The following AGAP1 variants were observed in gnomAD, a reference collection of about 807,000 sequenced individuals.
AGAP1 encodes arf-GAP with GTPase, ANK repeat and PH domain-containing protein 1.
In AGAP1, 29 loss-of-function variants were observed where a neutral mutation model predicts 105.3. That is an observed-to-expected ratio of 0.28 (90% CI 0.21 to 0.38). The LOEUF is 0.38. AGAP1 is among the 10% of genes least tolerant of loss of function. AGAP1 has a pLI of 1.00. For missense variants in AGAP1, 998 were observed against 1,165.1 expected (o/e 0.86, Z 2.09); for synonymous variants, 509 against 485.9 (o/e 1.05, Z -0.63).
Position 235,919,387 on chromosome 2 carries a change from G to A in AGAP1, c.1324+10481G>A, listed in dbSNP as rs145609009. ...TTGAGTTACCACTCATATAGTGAAC[G>A]TTTGCGTTTCTGGAGTATTTCTAGG... On this transcript the variant is annotated intron_variant, in intron 11 of 17. Coordinates refer to ENST00000304032, the MANE Select transcript of AGAP1 (RefSeq NM_001037131.3). The surrounding 1 kb of genome is among the most constrained non-coding windows in gnomAD (Gnocchi z 4.1). Among the ~76,000 whole-genome samples, 1,144 of 152,210 alleles carry A rather than the reference G, an allele frequency of 7.5e-3. 10 individuals carry two copies. The highest frequency in any genetic ancestry group is 0.011 in the Non-Finnish European group (734 of 68,006).
chr2:236,131,148 A>C lies in AGAP1; in HGVS notation c.*7026A>C, dbSNP rs2060077194. 1 of 152,224 alleles carries C rather than the reference A, an allele frequency of 6.6e-6. No homozygotes were observed. Among genetic ancestry groups the C allele is most frequent in the South Asian group, 2.1e-4 (1 of 4,828 alleles). The allele number at this position is 152,224 out of a possible 1,614,324, so 9.4% of individuals were successfully genotyped here. On this transcript the variant is annotated 3_prime_UTR_variant, in exon 18 of 18. Coordinates refer to ENST00000304032, the MANE Select transcript of AGAP1 (RefSeq NM_001037131.3). This position sits in a 1 kb window ranked among gnomAD's most constrained non-coding sequence, Gnocchi z 5.9. ...GGCTGGGTTTTTGTGTCTGAAATACATCTAATTCTCCAGACTGCAGCCCCT... is the reference window on the plus strand; with the variant it reads ...GGCTGGGTTTTTGTGTCTGAAATACCTCTAATTCTCCAGACTGCAGCCCCT...
chr2:235,573,054 C>CTTCTTCTTCT (rs1944613487), intron 1 of AGAP1, among the ~76,000 whole-genome samples: 14 of 22,158 alleles, frequency 6.3e-4, no homozygotes, highest in Non-Finnish European at 9.2e-4. Flanking sequence ...TCTTCTTCTT[C>CTTCTTCTTCT]TTCTTCTTTC....
intron 6 of AGAP1, among the ~76,000 whole-genome samples, chr2:235,779,878 T>C (rs1012170210): frequency 6.6e-6 from 1 of 152,188 alleles, no homozygotes; most frequent in African/African-American, 2.4e-5. Flanking sequence ...GGTAGCTGCT[T>C]TGTAAAGGGC....
Position 235,599,618 on chromosome 2 carries a change from C to G in AGAP1, c.163+104769C>G, listed in dbSNP as rs1378509546. Among the ~76,000 whole-genome samples the G allele has an allele frequency of 6.6e-6, 1 of 152,152 alleles. No homozygotes were observed. Among genetic ancestry groups the G allele is most frequent in the Non-Finnish European group, 1.5e-5 (1 of 68,040 alleles). ...GGATCCCCTGCCATGGCCCATGTGG[C>G]TCCGGAAGTTCCTGGGAGTGGCTCG... On this transcript the variant is annotated intron_variant, in intron 1 of 17. Transcript: ENST00000304032. This position sits in a 1 kb window ranked among gnomAD's most constrained non-coding sequence, Gnocchi z 5.3.
chr2:235,971,130 C>T lies in AGAP1; in HGVS notation c.1645+2507C>T, dbSNP rs899620157. ...TAGGAGAGTCTGGTCTCTACGTCAG[C>T]GGCTATGACATCTTTCCAATAGCAA... On this transcript the variant is annotated intron_variant, in intron 13 of 17. Coordinates refer to ENST00000304032, the MANE Select transcript of AGAP1 (RefSeq NM_001037131.3). The surrounding 1 kb of genome is among the most constrained non-coding windows in gnomAD (Gnocchi z 4.8). 6.6e-6 allele frequency among the ~76,000 whole-genome samples: 1 copy of T among 152,132 alleles called. No individual in the cohort carries two copies.
At chr2:235,862,010 G>A (rs193182407) in intron 9 of AGAP1, among the ~76,000 whole-genome samples, 4 of 152,194 alleles carry the variant, frequency 2.6e-5, no homozygotes, top group East Asian at 1.9e-4. Flanking sequence ...CATTCTTTTC[G>A]TCAGAGATCA....
Position 235,847,703 on chromosome 2 carries a change from G to A in AGAP1, c.1051-35642G>A, listed in dbSNP as rs571272070. Reference sequence around the variant, plus strand: ...ACCGTCTGTAGATCCTGAAACGGGCGCCTTTCTGTGCTTGTTTGCCACGAC... The same window carrying A: ...ACCGTCTGTAGATCCTGAAACGGGCACCTTTCTGTGCTTGTTTGCCACGAC... On this transcript the variant is annotated intron_variant, in intron 9 of 17. Coordinates refer to ENST00000304032, the MANE Select transcript of AGAP1 (RefSeq NM_001037131.3). Among the ~76,000 whole-genome samples, 36 of 152,240 alleles carry A rather than the reference G, an allele frequency of 2.4e-4. No homozygotes were observed. In the South Asian group the frequency reaches 6.8e-3, roughly 29 times the overall value.
At chr2:235,679,551 T>A (rs777550930) in intron 1 of AGAP1, among the ~76,000 whole-genome samples, 1 of 152,226 alleles carries the variant, frequency 6.6e-6, no homozygotes, top group Non-Finnish European at 1.5e-5. Context: ...TTTTTTTCCT[T>A]TGGCTTAATC....
rs925939652 is a variant in AGAP1, at chr2:235,931,909, C to T, written c.1483+986C>T. Among the ~76,000 whole-genome samples, 1 of 152,130 alleles carries T rather than the reference C, an allele frequency of 6.6e-6. No individual in the cohort carries two copies. Among genetic ancestry groups the T allele is most frequent in the Non-Finnish European group, 1.5e-5 (1 of 68,030 alleles). On this transcript the variant is annotated intron_variant, in intron 12 of 17. Transcript: ENST00000304032. This position sits in a 1 kb window ranked among gnomAD's most constrained non-coding sequence, Gnocchi z 5.6. ...GAAGAGCCTTGTGACTTGGAGCAGA[C>T]ACACACAGCGTCACGCGGCTGCCCC...
chr2:235,916,178 G>C (rs567042887), intron 11 of AGAP1, among the ~76,000 whole-genome samples: 15 of 150,878 alleles, frequency 9.9e-5, no homozygotes, highest in African/African-American at 3.4e-4. Flanking sequence ...GAAAAAAAAA[G>C]AAGAATCCAA....
At position 235,753,649 on chromosome 2, in the gene AGAP1, T is replaced by C. The variant is rs1559438778; in HGVS notation, c.673+3161T>C. Among the ~76,000 whole-genome samples the C allele has an allele frequency of 6.6e-6, 1 of 151,438 alleles. No homozygotes were observed. On this transcript the variant is annotated intron_variant, in intron 6 of 17. Coordinates refer to ENST00000304032, the MANE Select transcript of AGAP1 (RefSeq NM_001037131.3). This position sits in a 1 kb window ranked among gnomAD's most constrained non-coding sequence, Gnocchi z 4.5. ...TGAACCTGGGAGGCGGAGGTTGCAG[T>C]CAGCTGAGATTGCACAATTGCGCTC... is the stretch of plus-strand genomic sequence containing the variant.
intron 9 of AGAP1, among the ~76,000 whole-genome samples, chr2:235,812,627 T>A (rs1335006507): frequency 1.3e-5 from 2 of 152,194 alleles, no homozygotes; most frequent in African/African-American, 4.8e-5. Flanking sequence ...GCTGCTTTCA[T>A]GGAGGAAACA....
At chr2:235,812,343 G>A (rs1263055550) in intron 9 of AGAP1, among the ~76,000 whole-genome samples, 4 of 152,196 alleles carry the variant, frequency 2.6e-5, no homozygotes, top group African/African-American at 7.2e-5. Context: ...ACCCGCCATC[G>A]GGCCTGTGAA....
intron 1 of AGAP1, among the ~76,000 whole-genome samples, chr2:235,694,683 A>G (rs543357723): frequency 1.6e-4 from 24 of 151,728 alleles, no homozygotes; most frequent in Admixed American, 5.2e-4. Context: ...GGAAGCTGCT[A>G]CCTTCCCAAG....
At chr2:235,738,981 CT>C (rs1952419219) in intron 3 of AGAP1, among the ~76,000 whole-genome samples, 1 of 152,176 alleles carries the variant, frequency 6.6e-6, no homozygotes, top group African/African-American at 2.4e-5. Flanking sequence ...CTGTTGCAGA[CT>C]TTTCTGTCGT....
chr2:235,790,939 C>T (rs1229937660), intron 6 of AGAP1, among the ~76,000 whole-genome samples: 2 of 152,216 alleles, frequency 1.3e-5, no homozygotes, highest in African/African-American at 2.4e-5. Flanking sequence ...CCAGGCTATG[C>T]CATGGGTCCC....
chr2:236,110,383 C>G (rs1200381769), intron 16 of AGAP1, among the ~76,000 whole-genome samples: 3 of 127,712 alleles, frequency 2.3e-5, no homozygotes, highest in Admixed American at 2.2e-4. Flanking sequence ...GAAAAAGACC[C>G]CCTTCTCTAC....
chr2:235,536,626 TTCACAC>T (rs1559231598), intron 1 of AGAP1, among the ~76,000 whole-genome samples: 1 of 63,262 alleles, frequency 1.6e-5, no homozygotes, highest in African/African-American at 6.7e-5. Flanking sequence ...TGTCGCATCC[TTCACAC>T]ACACACACAC....
intron 6 of AGAP1, among the ~76,000 whole-genome samples, chr2:235,770,485 T>C (rs1056083107): frequency 6.6e-6 from 1 of 152,074 alleles, no homozygotes; most frequent in Non-Finnish European, 1.5e-5. Flanking sequence ...CGGAGTGCAG[T>C]GGTGCCATCT....
Sources: gnomAD v4.1 joint callset for allele counts (sites outside exome capture counted in the v4.1 genomes callset) on GRCh38, gnomAD v4.1.1 for gene constraint, Gnocchi (gnomAD v3.1) non-coding constraint, MANE v1.5 for transcripts, NCBI Gene and HGNC (gene_info 2026-07-23, HGNC 2026-07-21) for gene names.